Variants in IYD observed in about 807,000 individuals in gnomAD.
The protein encoded by IYD is iodotyrosine deiodinase.
Under a neutral mutation model 28.4 loss-of-function variants are expected in IYD, and 25 were observed. That is an observed-to-expected ratio of 0.88 (90% CI 0.64 to 1.23). The LOEUF (loss-of-function observed/expected upper bound fraction) is 1.23. IYD is among the 50% of genes most tolerant of loss of function. The pLI, the probability that IYD is intolerant of heterozygous loss-of-function variation, is 0.00. For synonymous variants in IYD, 140 were observed against 130.8 expected (o/e 1.07, Z -0.48); for missense variants, 352 against 357.9 (o/e 0.98, Z 0.13).
Position 150,369,128 on chromosome 6 carries a change from G to C in IYD, c.97G>C (p.Glu33Gln), listed in dbSNP as rs576111517. Residue 33 changes from glutamate to glutamine, a missense_variant, in exon 1 of 5, where the codon GAG becomes CAG. Coordinates refer to ENST00000344419, the MANE Select transcript of IYD (RefSeq NM_203395.3). ...ADRSMEKKKG[E>Q]PRTRAEARPW... Reference sequence around the variant, plus strand: ...CAGAAGCATGGAGAAAAAGAAGGGGGAGCCTAGAACCAGGGCCGAAGCTCG... The same window carrying C: ...CAGAAGCATGGAGAAAAAGAAGGGGCAGCCTAGAACCAGGGCCGAAGCTCG... 2.5e-6 allele frequency: 4 copies of C among 1,613,964 alleles called. No homozygotes were observed. The highest frequency in any genetic ancestry group is 3.3e-5 in the Admixed American group (2 of 59,996).
In IYD at chr6:150,400,557, T is replaced by C. The variant is rs556787130; in HGVS notation, c.*2320T>C. ...ACAGAGGATAAAGAAGTTAATGGCA[T>C]GGTGGAATAACCAAAATGTGTATCA... On this transcript the variant is annotated 3_prime_UTR_variant, in exon 5 of 5. Coordinates refer to ENST00000344419, the MANE Select transcript of IYD (RefSeq NM_203395.3). 6.6e-6 allele frequency: 1 copy of C among 151,784 alleles called. No individual in the cohort carries two copies. Among genetic ancestry groups the C allele is most frequent in the East Asian group, 2.0e-4 (1 of 5,126 alleles). The allele number at this position is 151,784 out of a possible 1,614,324, so 9.4% of individuals were successfully genotyped here.
Position 150,400,736 on chromosome 6 carries a change from C to T in IYD, c.*2499C>T, listed in dbSNP as rs142524658. 2 of 152,210 alleles carry T rather than the reference C, an allele frequency of 1.3e-5. No individual in the cohort carries two copies. Among genetic ancestry groups the T allele is most frequent in the African/African-American group, 4.8e-5 (2 of 41,460 alleles). 9.4% of individuals were successfully genotyped at this position (152,210 alleles called of 1,614,324 possible). A position where few individuals can be genotyped will look rare whatever the true frequency, so the allele number is the denominator to read the frequency against. ...GGCGCTTGTTAGAATCAAAGACTCT[C>T]AGGCCTCACCTAGACATCCAGAATC... On this transcript the variant is annotated 3_prime_UTR_variant, in exon 5 of 5. Transcript: ENST00000344419.
intron 4 of IYD, chr6:150,396,879 A>G (rs999447821): frequency 1.3e-5 from 2 of 153,396 alleles, no homozygotes; most frequent in Non-Finnish European, 2.9e-5. Context: ...GTCTCAAAAA[A>G]AAAAAAAAAA....
chr6:150,404,813 T>C lies in IYD; in HGVS notation c.*6576T>C, dbSNP rs1251942644. Reference sequence around the variant, plus strand: ...TAATACAAACAAAAAAACCTCACTATAACCCAAACAAATAAGGGATTATTT... The same window carrying C: ...TAATACAAACAAAAAAACCTCACTACAACCCAAACAAATAAGGGATTATTT... On this transcript the variant is annotated 3_prime_UTR_variant, in exon 5 of 5. Coordinates refer to ENST00000344419, the MANE Select transcript of IYD (RefSeq NM_203395.3). 1 of 152,234 alleles carries C rather than the reference T, an allele frequency of 6.6e-6. No individual in the cohort carries two copies. Among genetic ancestry groups the C allele is most frequent in the African/African-American group, 2.4e-5 (1 of 41,458 alleles). The allele number at this position is 152,234 out of a possible 1,614,324, so 9.4% of individuals were successfully genotyped here. A position where few individuals can be genotyped will look rare whatever the true frequency, so the allele number is the denominator to read the frequency against.
In IYD at chr6:150,403,522, T is replaced by C. The variant is rs934668741; in HGVS notation, c.*5285T>C. On this transcript the variant is annotated 3_prime_UTR_variant, in exon 5 of 5. Coordinates refer to ENST00000344419, the MANE Select transcript of IYD (RefSeq NM_203395.3). Reference sequence around the variant, plus strand: ...GAATGGTAAGGAACTCCCAGCAGGGTAGTGGAGGGAATGGGCTGACGCATC... The same window carrying C: ...GAATGGTAAGGAACTCCCAGCAGGGCAGTGGAGGGAATGGGCTGACGCATC... The C allele has an allele frequency of 6.6e-6, 1 of 152,016 alleles. No individual in the cohort carries two copies. The highest frequency in any genetic ancestry group is 1.9e-4 in the East Asian group (1 of 5,190). 9.4% of individuals were successfully genotyped at this position (152,016 alleles called of 1,614,324 possible). A position where few individuals can be genotyped will look rare whatever the true frequency, so the allele number is the denominator to read the frequency against.
chr6:150,383,146 A>G (rs906781297), intron 1 of IYD, among the ~76,000 whole-genome samples: 1 of 152,224 alleles, frequency 6.6e-6, no homozygotes, highest in Non-Finnish European at 1.5e-5. Flanking sequence ...ACTTTAACCT[A>G]AGGTCAAACC....
chr6:150,393,809 C>T (rs1414571043), intron 3 of IYD, among the ~76,000 whole-genome samples: 2 of 152,210 alleles, frequency 1.3e-5, no homozygotes, highest in East Asian at 3.8e-4. Flanking sequence ...CTTGCCTTCT[C>T]CCTTGCTGAA....
rs1777676635 is a variant in IYD at position 150,382,368 on chromosome 6, A to G, written c.179-6984A>G. On this transcript the variant is annotated intron_variant, in intron 1 of 4. Transcript: ENST00000344419. ...TTTTGATCCCAAAGCTACTTCCTATAAACATTCCACACACGACTCAGTCTC... is the reference window on the plus strand; with the variant it reads ...TTTTGATCCCAAAGCTACTTCCTATGAACATTCCACACACGACTCAGTCTC... Among the ~76,000 whole-genome samples, 6 of 152,288 alleles carry G rather than the reference A, an allele frequency of 3.9e-5. No homozygotes were observed. The South Asian group carries it at 1.2e-3, about 32-fold the overall frequency.
At chr6:150,372,321 GT>G (rs1777278224) in intron 1 of IYD, among the ~76,000 whole-genome samples, 2 of 141,730 alleles carry the variant, frequency 1.4e-5, no homozygotes, top group Admixed American at 7.1e-5. Flanking sequence ...GTGTGTGTGG[GT>G]GGGGTGGGGG....
At chr6:150,375,563 C>T (rs651777) in intron 1 of IYD, among the ~76,000 whole-genome samples, 63,653 of 151,970 alleles carry the variant, frequency 0.42, 14,658 homozygotes, top group Non-Finnish European at 0.53. Context: ...GGGATGCAAA[C>T]GGTCAGTATC....
At chr6:150,382,799 T>C (rs945960566) in intron 1 of IYD, among the ~76,000 whole-genome samples, 4 of 152,240 alleles carry the variant, frequency 2.6e-5, no homozygotes, top group African/African-American at 9.6e-5. Context: ...AGAGGATCTT[T>C]TTAGTTCTTT....
intron 4 of IYD, chr6:150,395,684 C>T: frequency 1.2e-6 from 1 of 851,402 alleles, no homozygotes; most frequent in Non-Finnish European, 1.9e-6. Context: ...GAAAAATCTC[C>T]ATGAAGCCCG....
At chr6:150,395,698 C>T (rs1778287316) in intron 4 of IYD, 1 of 780,754 alleles carries the variant, frequency 1.3e-6, no homozygotes, top group African/African-American at 1.7e-5. Context: ...AAGCCCGCAT[C>T]TCCAGTATGG....
intron 1 of IYD, among the ~76,000 whole-genome samples, chr6:150,375,893 G>A (rs1447281998): frequency 6.6e-6 from 1 of 152,130 alleles, no homozygotes; most frequent in African/African-American, 2.4e-5. Flanking sequence ...GACACAAATT[G>A]TCCTTGGTTT....
intron 4 of IYD, among the ~76,000 whole-genome samples, chr6:150,394,594 C>T (rs1271993125): frequency 6.6e-6 from 1 of 152,174 alleles, no homozygotes; most frequent in Non-Finnish European, 1.5e-5. Flanking sequence ...TTTACTGTTG[C>T]TCTCAGAGAT....
At chr6:150,386,172 T>C (rs977309716) in intron 1 of IYD, among the ~76,000 whole-genome samples, 12 of 152,078 alleles carry the variant, frequency 7.9e-5, no homozygotes, top group Non-Finnish European at 7.4e-5. Flanking sequence ...TTGGGTATTT[T>C]TTCTAACTTC....
chr6:150,382,465 C>T (rs917891868), intron 1 of IYD, among the ~76,000 whole-genome samples: 1 of 152,152 alleles, frequency 6.6e-6, no homozygotes, highest in African/African-American at 2.4e-5. Flanking sequence ...CTAGACAATA[C>T]TGAGTTTTAA....
intron 1 of IYD, among the ~76,000 whole-genome samples, chr6:150,388,647 C>CTTTCTTTCTTTCTTTCTTTCT (rs1429086863): frequency 1.8e-4 from 10 of 54,726 alleles, no homozygotes; most frequent in African/African-American, 4.1e-4. Flanking sequence ...TTCTTTCTTT[C>CTTTCTTTCTTTCTTTCTTTCT]TTTCTTTCTT....
chr6:150,392,213 T>G, intron 2 of IYD, 132 bp from the exon 3 acceptor site: 1 of 1,422,024 alleles, frequency 7.0e-7, no homozygotes, highest in Non-Finnish European at 9.6e-7. Context: ...AAAAAAAATC[T>G]GCAAAATTTT....
Sources: gnomAD v4.1 joint callset for allele counts (sites outside exome capture counted in the v4.1 genomes callset) on GRCh38, gnomAD v4.1.1 for gene constraint, MANE v1.5 for transcripts, NCBI Gene and HGNC (gene_info 2026-07-23, HGNC 2026-07-21) for gene names.